Variants in PIKFYVE observed in about 807,000 individuals in gnomAD.
PIKFYVE encodes phosphoinositide kinase, FYVE-type zinc finger containing.
In PIKFYVE, 122 loss-of-function variants were observed where a neutral mutation model predicts 257.9. The observed-to-expected ratio is 0.47, with a 90% confidence interval of 0.41 to 0.55. The LOEUF is 0.55. Among genes scored for constraint, PIKFYVE ranks in the 20% least tolerant of loss-of-function variants. The probability of loss-of-function intolerance (pLI) is 0.00; values close to 1 mark genes in which losing one functional copy is unlikely to be tolerated. For synonymous variants in PIKFYVE, 892 were observed against 868.9 expected, an observed-to-expected ratio of 1.03 and a Z score of -0.47; for missense variants, 2,160 against 2,536.6, an observed-to-expected ratio of 0.85 and a Z score of 3.19.
chr2:208,293,871 A>C (rs1227495349), intron 7 of PIKFYVE, among the ~76,000 whole-genome samples: 1 of 152,030 alleles, frequency 6.6e-6, no homozygotes, highest in African/African-American at 2.4e-5. Context: ...CTGCCATTTG[A>C]ATACACTTAG....
At chr2:208,307,814 G>A (rs1196392759) in intron 12 of PIKFYVE, among the ~76,000 whole-genome samples, 1 of 151,958 alleles carries the variant, frequency 6.6e-6, no homozygotes, top group African/African-American at 2.4e-5. Context: ...ATGTTAATAA[G>A]ACATTTAATG....
At chr2:208,282,675 A>C (rs1025453118) in intron 5 of PIKFYVE, among the ~76,000 whole-genome samples, 1 of 151,996 alleles carries the variant, frequency 6.6e-6, no homozygotes, top group Non-Finnish European at 1.5e-5. Context: ...AATCACATCC[A>C]AAAAAAATAA....
At chr2:208,280,906 A>G (rs1298566330) in intron 5 of PIKFYVE, among the ~76,000 whole-genome samples, 1 of 152,114 alleles carries the variant, frequency 6.6e-6, no homozygotes, top group Non-Finnish European at 1.5e-5. Flanking sequence ...GATGTCTATT[A>G]TAGTAACCAT....
chr2:208,330,574 T>C lies in PIKFYVE; in HGVS notation c.3843T>C (p.His1281=). 6.2e-7 allele frequency: 1 copy of C among 1,614,224 alleles called. No homozygotes were observed. Among genetic ancestry groups the C allele is most frequent in the Non-Finnish European group, 8.5e-7 (1 of 1,180,038 alleles). The change falls in exon 23 of 42, where the codon CAT becomes CAC. Residue 1281 remains histidine (H), a synonymous_variant. Coordinates refer to ENST00000264380, the MANE Select transcript of PIKFYVE (RefSeq NM_015040.4). ...TCTGTGATACCCCCATGGTACATCA[T>C]ATTCGGCGCTTTGTTCATGGCCAAG... ...SMFCDTPMVH[H]IRRFVHGQGC...
chr2:208,315,402 TA>T, intron 15 of PIKFYVE, 29 bp downstream of exon 15: 1 of 1,610,412 alleles, frequency 6.2e-7, no homozygotes, highest in Non-Finnish European at 8.5e-7. Context: ...TTACTAATGC[TA>T]GGAACTGATG....
rs547018459 is a variant in PIKFYVE at position 208,267,851 on chromosome 2, T to A, written c.-10+1436T>A. On this transcript the variant is annotated intron_variant, in intron 1 of 41. Coordinates refer to ENST00000264380, the MANE Select transcript of PIKFYVE (RefSeq NM_015040.4). Reference sequence around the variant, plus strand: ...TGGAGTGAAGTGGTGTGATCTCGGCTTACTGCAGTCTCCGCCTCCCAGGCT... The same window carrying A: ...TGGAGTGAAGTGGTGTGATCTCGGCATACTGCAGTCTCCGCCTCCCAGGCT... Among the ~76,000 whole-genome samples, 7 of 151,236 alleles carry A rather than the reference T, an allele frequency of 4.6e-5. No individual in the cohort carries two copies. In the East Asian group the frequency reaches 1.4e-3, roughly 30 times the overall value.
chr2:208,348,599 A>AGTGGGTGTGTGTGT (rs1699458444), intron 35 of PIKFYVE, among the ~76,000 whole-genome samples: 1 of 128,986 alleles, frequency 7.8e-6, no homozygotes, highest in Non-Finnish European at 1.6e-5. Flanking sequence ...AAAAAAAAAA[A>AGTGGGTGTGTGTGT]GTGTGTGTGT....
chr2:208,307,896 G>T (rs1430266714), intron 12 of PIKFYVE, among the ~76,000 whole-genome samples: 5 of 152,162 alleles, frequency 3.3e-5, no homozygotes, highest in African/African-American at 1.2e-4. Flanking sequence ...CAAAGGCAAT[G>T]GTCATACTTG....
chr2:208,281,517 G>A (rs1327300764), intron 5 of PIKFYVE, among the ~76,000 whole-genome samples: 1 of 152,100 alleles, frequency 6.6e-6, no homozygotes, highest in African/African-American at 2.4e-5. Context: ...CCTTCTCATG[G>A]GTCACAGTTT....
intron 12 of PIKFYVE, 52 bp from the exon 13 acceptor site, chr2:208,312,184 G>C (rs1695003380): frequency 7.8e-7 from 1 of 1,283,286 alleles, no homozygotes; most frequent in Non-Finnish European, 1.1e-6. Context: ...ACATGTTATA[G>C]TCATATGTCT....
At chr2:208,278,294 AT>A (rs55855383) in intron 5 of PIKFYVE, among the ~76,000 whole-genome samples, 146,122 of 152,020 alleles carry the variant, frequency 0.96, 70,368 homozygotes, top group East Asian at 1. Flanking sequence ...CTGTCTGCTC[AT>A]TTTTTTTTCC....
intron 24 of PIKFYVE, among the ~76,000 whole-genome samples, chr2:208,334,747 A>G (rs1697944426): frequency 6.6e-6 from 1 of 152,192 alleles, no homozygotes; most frequent in African/African-American, 2.4e-5. Context: ...GAGAACAGGA[A>G]TTGTTAGTGT....
Position 208,273,581 on chromosome 2 carries a change from CA to C in PIKFYVE, c.173-2del. 1.2e-6 allele frequency: 2 copies of C among 1,614,124 alleles called. No individual in the cohort carries two copies. The highest frequency in any genetic ancestry group is 1.7e-6 in the Non-Finnish European group (2 of 1,180,030). Reference sequence around the variant, plus strand: ...AATAATGCCAAGCGTTCCCTTGCTACAGAGAGAGCAGAAGGAGGCCAGGGAG... The same window carrying C: ...AATAATGCCAAGCGTTCCCTTGCTACGAGAGAGCAGAAGGAGGCCAGGGAG... On this transcript the variant is annotated splice_acceptor_variant, in intron 2 of 41. Transcript: ENST00000264380. LOFTEE classifies it high-confidence loss of function.
At chr2:208,339,613 A>G (rs1041292637) in intron 30 of PIKFYVE, 58 bp downstream of exon 30, 4 of 1,581,156 alleles carry the variant, frequency 2.5e-6, no homozygotes, top group Middle Eastern at 1.7e-4. Flanking sequence ...AAGATATATC[A>G]TTGATTTACA....
chr2:208,342,677 A>G (rs1287446795), intron 32 of PIKFYVE, 28 bp downstream of exon 32: 7 of 1,510,720 alleles, frequency 4.6e-6, no homozygotes, highest in African/African-American at 4.1e-5. Context: ...TTGACTTATG[A>G]TGATATCTAT....
chr2:208,354,662 T>G lies in PIKFYVE; in HGVS notation c.6181+17T>G, dbSNP rs772239842. The G allele has an allele frequency of 7.6e-6, 12 of 1,581,032 alleles. No individual in the cohort carries two copies. The highest frequency in any genetic ancestry group is 1.7e-5 in the Admixed American group (1 of 59,926). On this transcript the variant is annotated intron_variant, in intron 41 of 41. Coordinates refer to ENST00000264380, the MANE Select transcript of PIKFYVE (RefSeq NM_015040.4). ...GTGGACAAGGTGAGAATTTTTGTTT[T>G]GTTTAAATTGTTCACATGTATTTCT...
At chr2:208,274,157 G>A in intron 3 of PIKFYVE, 1 of 1,261,124 alleles carries the variant, frequency 7.9e-7, no homozygotes. Flanking sequence ...TCCATTATTG[G>A]GCTGCCACTT....
Position 208,285,798 on chromosome 2 carries a change from T to C in PIKFYVE, c.686T>C (p.Ile229Thr), listed in dbSNP as rs765120154. The change falls in exon 6 of 42, where the codon ATT becomes ACT. Residue 229 changes from isoleucine (I) to threonine (T), a missense_variant. By Grantham distance (89) the Ile-to-Thr change is moderately conservative. Coordinates refer to ENST00000264380, the MANE Select transcript of PIKFYVE (RefSeq NM_015040.4). The part of the protein sequence containing the change: ...SYAHSTDSNS[I>T]GEDLNALSDS... ...GCTCATTCCACAGACAGTAATTCTATTGGGGAAGACTTGAATGCTCTTTCA... is the reference window on the plus strand; with the variant it reads ...GCTCATTCCACAGACAGTAATTCTACTGGGGAAGACTTGAATGCTCTTTCA... The C allele has an allele frequency of 1.2e-5, 20 of 1,613,958 alleles. No individual in the cohort carries two copies. Among genetic ancestry groups the C allele is most frequent in the Non-Finnish European group, 1.4e-5 (17 of 1,179,928 alleles).
chr2:208,321,577 T>TTGC (rs1696224868), intron 17 of PIKFYVE, among the ~76,000 whole-genome samples: 1 of 135,588 alleles, frequency 7.4e-6, no homozygotes, highest in Admixed American at 7.5e-5. Context: ...TTTCTTTTGT[T>TTGC]TTTTTTTTTT....
Sources: gnomAD v4.1 joint callset for allele counts (sites outside exome capture counted in the v4.1 genomes callset) on GRCh38, gnomAD v4.1.1 for gene constraint, MANE v1.5 for transcripts, NCBI Gene and HGNC (gene_info 2026-07-23, HGNC 2026-07-21) for gene names.